PLXDC2: variants seen among roughly 807,000 people sequenced by gnomAD.
PLXDC2 encodes the protein plexin domain containing 2.
PLXDC2 carries 40 observed loss-of-function variants against 68.9 expected under a neutral mutation model. That is an observed-to-expected ratio of 0.58 (90% CI 0.45 to 0.76). The LOEUF is 0.76. Ranked by LOEUF, PLXDC2 falls within the 30% of genes least tolerant of loss-of-function variation. PLXDC2 has a pLI of 0.00. For synonymous variants in PLXDC2, 243 were observed against 234.2 expected (o/e 1.04, Z -0.34); for missense variants, 644 against 661.9 (o/e 0.97, Z 0.30).
At chr10:20,199,847 A>G (rs1177569647) in intron 9 of PLXDC2, among the ~76,000 whole-genome samples, 2 of 152,028 alleles carry the variant, frequency 1.3e-5, no homozygotes, top group African/African-American at 2.4e-5. Context: ...TTAAACTCCC[A>G]GGTATTATTC....
At chr10:20,154,261 C>CA (rs951135916) in intron 6 of PLXDC2, among the ~76,000 whole-genome samples, 2 of 151,974 alleles carry the variant, frequency 1.3e-5, no homozygotes, top group Admixed American at 6.6e-5. Flanking sequence ...TAACAATTCT[C>CA]AAAAAAACAT....
At chr10:19,886,966 G>A (rs79873390) in intron 1 of PLXDC2, among the ~76,000 whole-genome samples, 13 of 152,106 alleles carry the variant, frequency 8.5e-5, no homozygotes, top group Non-Finnish European at 1.5e-4. Context: ...CTGTATACTT[G>A]TGATAGAATG....
At chr10:19,933,590 G>A (rs1833675903) in intron 1 of PLXDC2, among the ~76,000 whole-genome samples, 1 of 152,010 alleles carries the variant, frequency 6.6e-6, no homozygotes. Context: ...CCGAGATTGA[G>A]CCACTGACCT....
intron 2 of PLXDC2, among the ~76,000 whole-genome samples, chr10:20,014,977 T>C (rs187851319): frequency 6.0e-4 from 92 of 152,350 alleles, no homozygotes; most frequent in African/African-American, 2.1e-3. Context: ...TGATTTTCTA[T>C]TGACTTTTTA....
chr10:20,034,822 TCAGTA>T (rs1247383829), intron 2 of PLXDC2, among the ~76,000 whole-genome samples: 1 of 152,238 alleles, frequency 6.6e-6, no homozygotes, highest in Non-Finnish European at 1.5e-5. Context: ...CTTACAGATT[TCAGTA>T]CAGTAACCAG....
intron 4 of PLXDC2, among the ~76,000 whole-genome samples, chr10:20,093,074 G>A (rs1047957785): frequency 3.3e-5 from 5 of 152,024 alleles, no homozygotes; most frequent in African/African-American, 9.7e-5. Flanking sequence ...CAGCAGCTAC[G>A]GGAAACTAAT....
chr10:19,952,217 C>T (rs1421362502), intron 1 of PLXDC2, among the ~76,000 whole-genome samples: 1 of 152,018 alleles, frequency 6.6e-6, no homozygotes, highest in Non-Finnish European at 1.5e-5. Flanking sequence ...ATTTTCTTCC[C>T]CTTCTCCCTT....
At chr10:20,251,288 T>C (rs11011908) in intron 13 of PLXDC2, among the ~76,000 whole-genome samples, 37,864 of 152,146 alleles carry the variant, frequency 0.25, 4,917 homozygotes, top group African/African-American at 0.31. Context: ...CTGATTTTGG[T>C]GAAAATCTAT....
At chr10:19,872,781 G>T (rs2131344072) in intron 1 of PLXDC2, among the ~76,000 whole-genome samples, 1 of 152,154 alleles carries the variant, frequency 6.6e-6, no homozygotes, top group Non-Finnish European at 1.5e-5. Context: ...AGAGGGCTAT[G>T]ATCATGGGAC....
chr10:19,847,346 C>G (rs1390490348), intron 1 of PLXDC2, among the ~76,000 whole-genome samples: 1 of 152,154 alleles, frequency 6.6e-6, no homozygotes, highest in Admixed American at 6.5e-5. Context: ...CTGAGAACTG[C>G]TTCTGGGAAC....
At chr10:20,043,014 T>G (rs749146800) in intron 2 of PLXDC2, among the ~76,000 whole-genome samples, 1 of 152,140 alleles carries the variant, frequency 6.6e-6, no homozygotes, top group Non-Finnish European at 1.5e-5. Context: ...GAAAAGAAAA[T>G]GAAAATCTTT....
chr10:20,013,678 A>G lies in PLXDC2; in HGVS notation c.324+11692A>G, dbSNP rs539995621. Reference sequence around the variant, plus strand: ...AAAATGTTTACAAGGTATCTCACCAAACCTTCCCAAAGAACTGAAAACAAT... The same window carrying G: ...AAAATGTTTACAAGGTATCTCACCAGACCTTCCCAAAGAACTGAAAACAAT... On this transcript the variant is annotated intron_variant, in intron 2 of 13. Transcript: ENST00000377252. 4.3e-4 allele frequency among the ~76,000 whole-genome samples: 65 copies of G among 152,350 alleles called. No individual in the cohort carries two copies. In the South Asian group the frequency reaches 6.0e-3, roughly 14 times the overall value.
chr10:19,871,387 G>A (rs1212571792), intron 1 of PLXDC2, among the ~76,000 whole-genome samples: 2 of 152,176 alleles, frequency 1.3e-5, no homozygotes, highest in Non-Finnish European at 2.9e-5. Context: ...ACAGACCATA[G>A]CATCATGTTA....
rs1836175658 is a variant in PLXDC2 at position 20,287,753 on chromosome 10, T to C, written c.*7934T>C. The C allele has an allele frequency of 6.6e-6, 1 of 152,066 alleles. No individual in the cohort carries two copies. 9.4% of individuals were successfully genotyped at this position (152,066 alleles called of 1,614,324 possible). A position where few individuals can be genotyped will look rare whatever the true frequency, so the allele number is the denominator to read the frequency against. On this transcript the variant is annotated 3_prime_UTR_variant, in exon 14 of 14. Transcript: ENST00000377252. ...GGAGAAGAGGGGGAAGTCTTTTCAT[T>C]GATTGGTCAAAACAAATCTCTCATT...
chr10:19,844,379 T>A (rs1168327609), intron 1 of PLXDC2, among the ~76,000 whole-genome samples: 1 of 152,176 alleles, frequency 6.6e-6, no homozygotes, highest in Non-Finnish European at 1.5e-5. Context: ...GACATTTTCC[T>A]GGATGCTCAC....
intron 3 of PLXDC2, among the ~76,000 whole-genome samples, chr10:20,047,913 G>A (rs1685837010): frequency 6.6e-6 from 1 of 152,082 alleles, no homozygotes; most frequent in Non-Finnish European, 1.5e-5. Flanking sequence ...ATCACACTTG[G>A]TTCTCAGAAT....
chr10:19,904,302 T>A (rs1838206221), intron 1 of PLXDC2, among the ~76,000 whole-genome samples: 1 of 152,156 alleles, frequency 6.6e-6, no homozygotes, highest in African/African-American at 2.4e-5. Flanking sequence ...CCACTATTAT[T>A]GTGTTGCTGT....
intron 1 of PLXDC2, among the ~76,000 whole-genome samples, chr10:19,965,727 G>T (rs976639336): frequency 2.7e-5 from 4 of 147,134 alleles, no homozygotes; most frequent in African/African-American, 1.0e-4. Context: ...TTGGGGGGGG[G>T]GGTTACATAA....
intron 1 of PLXDC2, among the ~76,000 whole-genome samples, chr10:19,890,460 T>A (rs1171084050): frequency 1.3e-5 from 2 of 151,810 alleles, no homozygotes; most frequent in Non-Finnish European, 2.9e-5. Flanking sequence ...TTCCATGAGT[T>A]CCTGATGTTT....
Sources: allele counts gnomAD v4.1 joint callset (sites outside exome capture counted in the v4.1 genomes callset), GRCh38; gene constraint gnomAD v4.1.1; transcripts MANE v1.5; gene names NCBI Gene and HGNC (gene_info 2026-07-23, HGNC 2026-07-21).